Variants in ZMAT4 observed in about 807,000 individuals in gnomAD.
The protein encoded by ZMAT4 is zinc finger matrin-type protein 4.
A neutral mutation model predicts 28.7 loss-of-function variants in ZMAT4; 17 were observed. That is an observed-to-expected ratio of 0.59 (90% CI 0.41 to 0.89). The LOEUF (loss-of-function observed/expected upper bound fraction) is 0.89, where lower values mean the gene tolerates loss of function less well. Ranked by LOEUF, ZMAT4 falls within the 40% of genes least tolerant of loss-of-function variation. The probability of loss-of-function intolerance (pLI) is 0.00; values close to 1 mark genes in which losing one functional copy is unlikely to be tolerated. For synonymous variants in ZMAT4, 117 were observed against 109.2 expected (o/e 1.07, Z -0.44); for missense variants, 240 against 283.8 (o/e 0.85, Z 1.11).
chr8:40,713,955 A>AAAAAG (rs990107846), intron 3 of ZMAT4, among the ~76,000 whole-genome samples: 3 of 151,340 alleles, frequency 2.0e-5, no homozygotes, highest in Non-Finnish European at 4.4e-5. Flanking sequence ...AGAAAAAGAA[A>AAAAAG]AAAAGAAAAG....
intron 6 of ZMAT4, among the ~76,000 whole-genome samples, chr8:40,568,603 G>A (rs1224306465): frequency 1.3e-5 from 2 of 152,088 alleles, no homozygotes; most frequent in African/African-American, 2.4e-5. Context: ...GGCCCATTTA[G>A]TACTTATTAT....
At chr8:40,868,519 A>G (rs1019879933) in intron 1 of ZMAT4, among the ~76,000 whole-genome samples, 2 of 152,166 alleles carry the variant, frequency 1.3e-5, no homozygotes, top group African/African-American at 4.8e-5. Flanking sequence ...CAGGGTCAAG[A>G]AAGTCCACCC....
intron 5 of ZMAT4, among the ~76,000 whole-genome samples, chr8:40,649,730 A>G (rs1171098078): frequency 1.3e-5 from 2 of 151,910 alleles, no homozygotes; most frequent in South Asian, 2.1e-4. Flanking sequence ...ACTATCTCTC[A>G]GACCACAGTG....
chr8:40,809,755 A>C (rs1815245156), intron 2 of ZMAT4, among the ~76,000 whole-genome samples: 1 of 152,170 alleles, frequency 6.6e-6, no homozygotes, highest in South Asian at 2.1e-4. Context: ...TACTATAAAA[A>C]TATTGTTGCT....
chr8:40,774,751 A>T (rs1025541804), intron 2 of ZMAT4, among the ~76,000 whole-genome samples: 1 of 151,882 alleles, frequency 6.6e-6, no homozygotes, highest in Non-Finnish European at 1.5e-5. Context: ...ACAAAAACGT[A>T]TATGCATCTG....
chr8:40,785,606 A>T (rs1814040148), intron 2 of ZMAT4, among the ~76,000 whole-genome samples: 1 of 152,164 alleles, frequency 6.6e-6, no homozygotes, highest in Non-Finnish European at 1.5e-5. Context: ...CCTGACCCTC[A>T]TCATTTTTGA....
intron 5 of ZMAT4, among the ~76,000 whole-genome samples, chr8:40,631,929 C>A (rs540581760): frequency 1.3e-5 from 2 of 152,296 alleles, no homozygotes; most frequent in South Asian, 2.1e-4. Context: ...CGAAACCTCT[C>A]AAGTCAATAT....
intron 1 of ZMAT4, among the ~76,000 whole-genome samples, chr8:40,892,890 C>T (rs1818744926): frequency 6.6e-6 from 1 of 152,156 alleles, no homozygotes; most frequent in African/African-American, 2.4e-5. Flanking sequence ...ACTCCATGGC[C>T]CTTGCCTTTC....
intron 5 of ZMAT4, among the ~76,000 whole-genome samples, chr8:40,642,573 A>C (rs1807086509): frequency 6.6e-6 from 1 of 152,218 alleles, no homozygotes; most frequent in African/African-American, 2.4e-5. Flanking sequence ...GATTGTTTTC[A>C]AACCTAATAC....
intron 2 of ZMAT4, among the ~76,000 whole-genome samples, chr8:40,779,091 C>T (rs1396503228): frequency 6.6e-6 from 1 of 152,052 alleles, no homozygotes; most frequent in Non-Finnish European, 1.5e-5. Context: ...TGGGAGGGAC[C>T]TGGTGGGAGA....
At chr8:40,577,723 C>A (rs1804315388) in intron 6 of ZMAT4, among the ~76,000 whole-genome samples, 1 of 151,890 alleles carries the variant, frequency 6.6e-6, no homozygotes, top group Non-Finnish European at 1.5e-5. Context: ...ATCAAAATAT[C>A]ACACTAGGTC....
intron 3 of ZMAT4, 107 bp from the exon 4 acceptor site, chr8:40,697,508 C>G: frequency 8.6e-7 from 1 of 1,164,054 alleles, no homozygotes; most frequent in Non-Finnish European, 1.1e-6. Flanking sequence ...AGTTTTTGTT[C>G]TGCAAGCTGT....
intron 2 of ZMAT4, among the ~76,000 whole-genome samples, chr8:40,787,159 A>G (rs933320535): frequency 2.0e-4 from 30 of 152,224 alleles, no homozygotes; most frequent in African/African-American, 7.0e-4. Flanking sequence ...TTACAGCACT[A>G]AATGCTTATA....
chr8:40,706,058 T>C (rs1413917341), intron 3 of ZMAT4, among the ~76,000 whole-genome samples: 4 of 152,130 alleles, frequency 2.6e-5, no homozygotes, highest in Non-Finnish European at 5.9e-5. Flanking sequence ...TTATTTATTA[T>C]TGGTTGTTTT....
intron 2 of ZMAT4, among the ~76,000 whole-genome samples, chr8:40,817,094 T>C (rs952404071): frequency 1.3e-5 from 2 of 152,138 alleles, no homozygotes; most frequent in Admixed American, 1.3e-4. Context: ...AGAAAGACAA[T>C]GCTTCCTCAC....
intron 1 of ZMAT4, among the ~76,000 whole-genome samples, chr8:40,835,109 T>A (rs1816429763): frequency 6.6e-6 from 1 of 152,186 alleles, no homozygotes; most frequent in African/African-American, 2.4e-5. Context: ...TGCTTTCTCT[T>A]TCTGCACTTT....
chr8:40,854,048 A>G (rs1017738651), intron 1 of ZMAT4, among the ~76,000 whole-genome samples: 1 of 152,208 alleles, frequency 6.6e-6, no homozygotes, highest in Non-Finnish European at 1.5e-5. Flanking sequence ...GGAGCAAGAC[A>G]GAGAGGAGGA....
chr8:40,808,809 A>G (rs191017117), intron 2 of ZMAT4, among the ~76,000 whole-genome samples: 53 of 151,250 alleles, frequency 3.5e-4, no homozygotes, highest in Admixed American at 2.1e-3. Flanking sequence ...AATGTTAAAA[A>G]CTCGCCTCTG....
At chr8:40,884,323 C>T (rs1367778594) in intron 1 of ZMAT4, among the ~76,000 whole-genome samples, 3 of 152,186 alleles carry the variant, frequency 2.0e-5, no homozygotes, top group Non-Finnish European at 4.4e-5. Flanking sequence ...TGTACCCTGC[C>T]CACTGGCCCA....
Sources: gnomAD v4.1 joint callset for allele counts (sites outside exome capture counted in the v4.1 genomes callset) on GRCh38, gnomAD v4.1.1 for gene constraint, MANE v1.5 for transcripts, NCBI Gene and HGNC (gene_info 2026-07-23, HGNC 2026-07-21) for gene names.